ARHGAP39: variants seen among roughly 807,000 people sequenced by gnomAD.
ARHGAP39 encodes Rho GTPase activating protein 39.
In ARHGAP39, 44 loss-of-function variants were observed where a neutral mutation model predicts 106.9. The observed-to-expected ratio is 0.41, with a 90% CI of 0.32 to 0.53. The LOEUF is 0.53. ARHGAP39 is among the 20% of genes least tolerant of loss of function. The pLI, the probability that ARHGAP39 is intolerant of heterozygous loss-of-function variation, is 0.21. For synonymous variants in ARHGAP39, 768 were observed against 693.2 expected (o/e 1.11, Z -1.69); for missense variants, 1,496 against 1,577.3 (o/e 0.95, Z 0.87).
intron 1 of ARHGAP39, among the ~76,000 whole-genome samples, chr8:144,669,759 CAAGAA>C (rs1264571066): frequency 2.0e-5 from 3 of 152,010 alleles, no homozygotes; most frequent in African/African-American, 7.2e-5. Context: ...TCAACAAACA[CAAGAA>C]AAGATGCTCA....
At chr8:144,662,630 A>C (rs1356549286) in intron 1 of ARHGAP39, among the ~76,000 whole-genome samples, 387 of 65,752 alleles carry the variant, frequency 5.9e-3, no homozygotes, top group Middle Eastern at 0.012. Flanking sequence ...GCCGCTCCCC[A>C]CTCCCCATTA....
At chr8:144,698,809 A>C in the ARHGAP39 span, 1 of 455,468 alleles carries the variant, frequency 2.2e-6, no homozygotes, top group East Asian at 7.0e-5. Flanking sequence ...CTTGGGTATC[A>C]GTGGGGAGTG....
At chr8:144,698,706 C>T in the ARHGAP39 span, 3 of 357,194 alleles carry the variant, frequency 8.4e-6, no homozygotes, top group East Asian at 1.9e-4. Flanking sequence ...CTTGGCTTTT[C>T]CTGGCCTGCC....
intron 1 of ARHGAP39, among the ~76,000 whole-genome samples, chr8:144,663,395 A>C (rs1821883692): frequency 6.6e-6 from 1 of 152,116 alleles, no homozygotes; most frequent in South Asian, 2.1e-4. Context: ...ACAATGAGAG[A>C]TGGAGCAAGA....
intron 1 of ARHGAP39, among the ~76,000 whole-genome samples, chr8:144,677,397 G>A (rs767386525): frequency 4.6e-5 from 7 of 152,236 alleles, no homozygotes; most frequent in Admixed American, 1.3e-4. Flanking sequence ...CAAAGGAAGT[G>A]CAGAAATAAA....
chr8:144,686,990 ACACTGGCGGCGAC>A (rs1822613295), upstream of ARHGAP39, among the ~76,000 whole-genome samples: 1 of 34,534 alleles, frequency 2.9e-5, no homozygotes, highest in Non-Finnish European at 5.7e-5. Context: ...CCGTGACCAC[ACACTGGCGGCGAC>A]CATTTCCCAC....
chr8:144,554,646 C>G (rs1428730882), intron 4 of ARHGAP39, among the ~76,000 whole-genome samples: 1 of 152,216 alleles, frequency 6.6e-6, no homozygotes, highest in Admixed American at 6.5e-5. Context: ...ACTACGAGCT[C>G]TGTCACTCTG....
At chr8:144,598,864 A>G (rs1342472492) in intron 2 of ARHGAP39, among the ~76,000 whole-genome samples, 4 of 152,270 alleles carry the variant, frequency 2.6e-5, no homozygotes, top group Admixed American at 2.6e-4. Flanking sequence ...CATTTAGTGG[A>G]ACATTTACAA....
intron 1 of ARHGAP39, among the ~76,000 whole-genome samples, chr8:144,639,720 C>T (rs911576687): frequency 7.9e-5 from 12 of 151,978 alleles, no homozygotes; most frequent in East Asian, 1.9e-4. Flanking sequence ...CAATCACACA[C>T]GTGGATGTGA....
At position 144,609,740 on chromosome 8, in the gene ARHGAP39, A is replaced by G. The variant is rs538263150; in HGVS notation, c.-81-4045T>C. On this transcript the variant is annotated intron_variant, in intron 1 of 11. Transcript: ENST00000377307. The stretch of plus-strand genomic sequence containing the variant: ...TATATATTCTCAAATGGGATTGGCT[A>G]AAATTTTGTTAAGAATTTTTACATC... Among the ~76,000 whole-genome samples the G allele has an allele frequency of 4.6e-5, 7 of 152,308 alleles. No individual in the cohort carries two copies. The East Asian group carries it at 1.3e-3, about 29-fold the overall frequency.
chr8:144,675,686 T>C (rs1030513957), intron 1 of ARHGAP39, among the ~76,000 whole-genome samples: 2 of 150,828 alleles, frequency 1.3e-5, no homozygotes, highest in Non-Finnish European at 2.9e-5. Flanking sequence ...GCTTCAGGAG[T>C]GAAACTGCAG....
intron 1 of ARHGAP39, among the ~76,000 whole-genome samples, chr8:144,676,869 C>T (rs991545514): frequency 1.3e-5 from 2 of 152,264 alleles, no homozygotes; most frequent in Non-Finnish European, 2.9e-5. Flanking sequence ...GAGCGGACGC[C>T]GAGGAGGCGC....
At position 144,604,434 on chromosome 8, in the gene ARHGAP39, G is replaced by A. The variant is rs1820207729; in HGVS notation, c.80+1101C>T. 6.6e-6 allele frequency among the ~76,000 whole-genome samples: 1 copy of A among 152,168 alleles called. No homozygotes were observed. Among genetic ancestry groups the A allele is most frequent in the Admixed American group, 6.5e-5 (1 of 15,282 alleles). Reference sequence around the variant, plus strand: ...ACGCAGTCGCTCAGGCCAGAGTGCAGTGGTGTGATCTCAGCTCACTGCAGC... The same window carrying A: ...ACGCAGTCGCTCAGGCCAGAGTGCAATGGTGTGATCTCAGCTCACTGCAGC... On this transcript the variant is annotated intron_variant, in intron 2 of 11. Coordinates refer to ENST00000377307, the MANE Select transcript of ARHGAP39 (RefSeq NM_025251.3). The surrounding 1 kb of genome is among the most constrained non-coding windows in gnomAD (Gnocchi z 4.1).
In ARHGAP39 at chr8:144,591,285, G is replaced by A. The variant is rs1043118548; in HGVS notation, c.81-10008C>T. On this transcript the variant is annotated intron_variant, in intron 2 of 11. Coordinates refer to ENST00000377307, the MANE Select transcript of ARHGAP39 (RefSeq NM_025251.3). This position sits in a 1 kb window ranked among gnomAD's most constrained non-coding sequence, Gnocchi z 5.3. ...TGCAGGGGAGGGTGGCGCGTGTGAG[G>A]AGCACCTGCTGGGACATTGAAAAGG... Among the ~76,000 whole-genome samples, 1 of 152,164 alleles carries A rather than the reference G, an allele frequency of 6.6e-6. No homozygotes were observed. The highest frequency in any genetic ancestry group is 1.5e-5 in the Non-Finnish European group (1 of 68,038).
chr8:144,638,102 T>C (rs1015399074), intron 1 of ARHGAP39, among the ~76,000 whole-genome samples: 3 of 152,222 alleles, frequency 2.0e-5, no homozygotes, highest in African/African-American at 4.8e-5. Flanking sequence ...GAAAATGTCA[T>C]TTCACCTTTG....
At position 144,645,923 on chromosome 8, in the gene ARHGAP39, A is replaced by G. The variant is rs1353062457; in HGVS notation, c.-82+39763T>C. On this transcript the variant is annotated intron_variant, in intron 1 of 11. Transcript: ENST00000377307. This position sits in a 1 kb window ranked among gnomAD's most constrained non-coding sequence, Gnocchi z 4.4. Reference sequence around the variant, plus strand: ...TGGGTGCTGGTGCAAGGTATGCGGCAGCAACACCATCTTTAGGATGTCACT... The same window carrying G: ...TGGGTGCTGGTGCAAGGTATGCGGCGGCAACACCATCTTTAGGATGTCACT... Among the ~76,000 whole-genome samples the G allele has an allele frequency of 6.6e-6, 1 of 152,248 alleles. No individual in the cohort carries two copies. The highest frequency in any genetic ancestry group is 1.9e-4 in the East Asian group (1 of 5,202).
intron 3 of ARHGAP39, among the ~76,000 whole-genome samples, chr8:144,566,932 CA>C (rs1818419239): frequency 6.6e-6 from 1 of 150,630 alleles, no homozygotes; most frequent in African/African-American, 2.4e-5. Flanking sequence ...CAAAGAATGA[CA>C]GCTGATTTCT....
At chr8:144,691,793 C>T in the ARHGAP39 span, among the ~76,000 whole-genome samples, 53 of 152,118 alleles carry the variant, frequency 3.5e-4, 3 homozygotes, top group South Asian at 0.011. Flanking sequence ...GCAAGCTATT[C>T]TGCAGGCTAG....
At chr8:144,612,827 G>A (rs1443733952) in intron 1 of ARHGAP39, among the ~76,000 whole-genome samples, 4 of 151,116 alleles carry the variant, frequency 2.6e-5, no homozygotes, top group South Asian at 2.1e-4. Context: ...CACTCCAGCC[G>A]GGGCAACAGA....
Sources: gnomAD v4.1 joint callset for allele counts (sites outside exome capture counted in the v4.1 genomes callset) on GRCh38, gnomAD v4.1.1 for gene constraint, Gnocchi (gnomAD v3.1) non-coding constraint, MANE v1.5 for transcripts, NCBI Gene and HGNC (gene_info 2026-07-23, HGNC 2026-07-21) for gene names.